SNX25: variants seen among roughly 807,000 people sequenced by gnomAD.
SNX25 encodes the protein sorting nexin-25.
A neutral mutation model predicts 113.7 loss-of-function variants in SNX25; 62 were observed. That is an observed-to-expected ratio of 0.55 (90% CI 0.44 to 0.67). The LOEUF is 0.67. SNX25 is among the 30% of genes least tolerant of loss of function. The pLI is 0.00. For missense variants in SNX25, 1,014 were observed against 1,161.0 expected (o/e 0.87, Z 1.84); for synonymous variants, 421 against 436.2 (o/e 0.97, Z 0.43).
chr4:185,261,392 G>T (rs1747321862), intron 3 of SNX25, among the ~76,000 whole-genome samples: 2 of 152,040 alleles, frequency 1.3e-5, no homozygotes, highest in African/African-American at 4.8e-5. Flanking sequence ...GGCCAGGCTG[G>T]TCTCGAACTC....
At chr4:185,360,930 AATATATAT>A (rs3047488) in intron 16 of SNX25, among the ~76,000 whole-genome samples, 2 of 139,616 alleles carry the variant, frequency 1.4e-5, no homozygotes, top group African/African-American at 2.7e-5. Flanking sequence ...AAAAAAAAAT[AATATATAT>A]ATATATATAT....
chr4:185,317,715 C>G (rs2095086109), intron 7 of SNX25, among the ~76,000 whole-genome samples: 1 of 151,950 alleles, frequency 6.6e-6, no homozygotes, highest in Admixed American at 6.6e-5. Context: ...TGTTTTCACT[C>G]ATAAGTGGTA....
chr4:185,261,875 A>G (rs1747384675), intron 3 of SNX25, among the ~76,000 whole-genome samples: 1 of 152,244 alleles, frequency 6.6e-6, no homozygotes, highest in Admixed American at 6.5e-5. Context: ...TTGAAAAAGT[A>G]CCAGTAGGTC....
chr4:185,210,332 CG>C lies in SNX25; in HGVS notation c.429+83del. The stretch of plus-strand genomic sequence containing the variant: ...GTGCCAGCTCCCGCGCCCCGAGCTC[CG>C]GGGGGCCGCGGCATGCCCTTGTCGA... On this transcript the variant is annotated intron_variant, in intron 1 of 18. Transcript: ENST00000652585. The surrounding 1 kb of genome is among the most constrained non-coding windows in gnomAD (Gnocchi z 4.4). 1.0e-6 allele frequency: 1 copy of C among 984,516 alleles called. No homozygotes were observed. Among genetic ancestry groups the C allele is most frequent in the Non-Finnish European group, 1.2e-6 (1 of 829,672 alleles). The allele number at this position is 984,516 out of a possible 1,614,324, so 61.0% of individuals were successfully genotyped here.
At chr4:185,374,061 AT>A, downstream of SNX25, 1 of 1,230,824 alleles carries the variant, frequency 8.1e-7, no homozygotes, top group South Asian at 1.3e-5. Flanking sequence ...ATTCCCCACC[AT>A]TTTCTCAAAA....
chr4:185,246,288 A>G (rs1326209278), intron 1 of SNX25, among the ~76,000 whole-genome samples: 1 of 152,160 alleles, frequency 6.6e-6, no homozygotes, highest in East Asian at 1.9e-4. Context: ...GTGAGACTCA[A>G]AAAAGTCCTT....
At chr4:185,239,678 T>G (rs1743321789) in intron 1 of SNX25, among the ~76,000 whole-genome samples, 1 of 152,102 alleles carries the variant, frequency 6.6e-6, no homozygotes. Flanking sequence ...GTTTTTTAAA[T>G]CTTTTTTATG....
intron 7 of SNX25, among the ~76,000 whole-genome samples, chr4:185,316,234 T>A (rs2095073259): frequency 6.6e-6 from 1 of 152,236 alleles, no homozygotes; most frequent in African/African-American, 2.4e-5. Flanking sequence ...TCTTCCTGAT[T>A]AGTTTTTGTT....
chr4:185,294,060 C>T (rs1430981686), intron 6 of SNX25, among the ~76,000 whole-genome samples: 1 of 152,098 alleles, frequency 6.6e-6, no homozygotes, highest in African/African-American at 2.4e-5. Flanking sequence ...CTTAGCGACT[C>T]GCGGAAGATG....
intron 2 of SNX25, among the ~76,000 whole-genome samples, chr4:185,256,232 C>T (rs1321883263): frequency 6.6e-6 from 1 of 152,122 alleles, no homozygotes; most frequent in Non-Finnish European, 1.5e-5. Context: ...TAATTGTTCT[C>T]AGCTGGAAGG....
chr4:185,320,807 C>T lies in SNX25; in HGVS notation c.1419C>T (p.Asp473=), dbSNP rs369706056. ...TTGGAATGTACATGGAAAGGATGGA[C>T]AAAAGAGCTCTGATTAGTTTTTGGG... ...EHFGMYMERM[D]KRALISFWES... is the part of the protein sequence containing the mutation. The change falls in exon 8 of 19, where the codon GAC becomes GAT. Residue 473 remains aspartate, a synonymous_variant. Transcript: ENST00000652585. 5 of 1,605,286 alleles carry T rather than the reference C, an allele frequency of 3.1e-6. No homozygotes were observed. The highest frequency in any genetic ancestry group is 4.3e-6 in the Non-Finnish European group (5 of 1,176,064).
rs781611807 is a variant in SNX25, at chr4:185,232,708, A to G, written c.430-14586A>G. ...GTTGTTGAGTTACAGGACAGCTTTA[A>G]AGCAGGGGCAGCTCTTCTGGTTCCT... On this transcript the variant is annotated intron_variant, in intron 1 of 18. Coordinates refer to ENST00000652585, the MANE Select transcript of SNX25 (RefSeq NM_001378034.2). This position sits in a 1 kb window ranked among gnomAD's most constrained non-coding sequence, Gnocchi z 4.4. 6.6e-6 allele frequency among the ~76,000 whole-genome samples: 1 copy of G among 152,238 alleles called. No homozygotes were observed. Among genetic ancestry groups the G allele is most frequent in the East Asian group, 1.9e-4 (1 of 5,204 alleles).
intron 1 of SNX25, among the ~76,000 whole-genome samples, chr4:185,222,831 T>A (rs1740207883): frequency 6.6e-6 from 1 of 152,202 alleles, no homozygotes; most frequent in South Asian, 2.1e-4. Context: ...GGCTCTCCCC[T>A]AATAACTGTG....
chr4:185,322,783 A>G (rs1250658873), intron 8 of SNX25, among the ~76,000 whole-genome samples: 2 of 152,240 alleles, frequency 1.3e-5, no homozygotes, highest in Admixed American at 1.3e-4. Context: ...AAGAGCAGCT[A>G]GCTTCCTCGA....
At chr4:185,208,210 G>C (rs1737279022), upstream of SNX25, among the ~76,000 whole-genome samples, 1 of 152,042 alleles carries the variant, frequency 6.6e-6, no homozygotes, top group Admixed American at 6.5e-5. Context: ...CGGGGTTCAA[G>C]TTTCACTATG....
chr4:185,210,368 C>T lies in SNX25; in HGVS notation c.429+113C>T. ...GGCATGCCCTTGTCGAAGCGGGAAG[C>T]CGGGAGCCAGGGGGCTGGGCTGCGG... is the stretch of plus-strand genomic sequence containing the variant. On this transcript the variant is annotated intron_variant, in intron 1 of 18. Transcript: ENST00000652585. The surrounding 1 kb of genome is among the most constrained non-coding windows in gnomAD (Gnocchi z 4.4). The T allele has an allele frequency of 2.0e-6, 2 of 983,604 alleles. No homozygotes were observed. Among genetic ancestry groups the T allele is most frequent in the Non-Finnish European group, 1.2e-6 (1 of 828,754 alleles). The allele number at this position is 983,604 out of a possible 1,614,324, so 60.9% of individuals were successfully genotyped here.
chr4:185,258,551 A>G (rs1271524962), intron 2 of SNX25, among the ~76,000 whole-genome samples: 1 of 152,208 alleles, frequency 6.6e-6, no homozygotes, highest in Admixed American at 6.5e-5. Flanking sequence ...GTGTATTGCC[A>G]CTACATAAGA....
In SNX25 at chr4:185,292,950, G is replaced by C. The variant is rs149332216; in HGVS notation, c.1162+4868G>C. 5.7e-3 allele frequency among the ~76,000 whole-genome samples: 870 copies of C among 152,238 alleles called. 3 individuals carry two copies. The highest frequency in any genetic ancestry group is 0.01 in the Middle Eastern group (3 of 294). On this transcript the variant is annotated intron_variant, in intron 6 of 18. Transcript: ENST00000652585. ...AATAAATGAAACTTATGTTTGTCAAGGGACATTATCAAGAAAATGAAAAGA... is the reference window on the plus strand; with the variant it reads ...AATAAATGAAACTTATGTTTGTCAACGGACATTATCAAGAAAATGAAAAGA...
chr4:185,211,032 C>T (rs947501597), intron 1 of SNX25, among the ~76,000 whole-genome samples: 2 of 152,168 alleles, frequency 1.3e-5, no homozygotes, highest in African/African-American at 4.8e-5. Flanking sequence ...TCTATCCCAG[C>T]TTAACACTCA....
Sources: allele counts gnomAD v4.1 joint callset (sites outside exome capture counted in the v4.1 genomes callset), GRCh38; gene constraint gnomAD v4.1.1; non-coding constraint Gnocchi (gnomAD v3.1); transcripts MANE v1.5; gene names NCBI Gene and HGNC (gene_info 2026-07-23, HGNC 2026-07-21).